NBN: variants seen among roughly 807,000 people sequenced by gnomAD.
NBN encodes Nijmegen breakage syndrome 1 (nibrin).
A neutral mutation model predicts 90.8 loss-of-function variants in NBN; 88 were observed. The ratio of observed to expected loss-of-function variants is 0.97; its 90% CI spans 0.82 to 1.16. The LOEUF is 1.16. NBN is among the 50% of genes most tolerant of loss of function. The pLI, the probability that NBN is intolerant of heterozygous loss-of-function variation, is 0.00. For missense variants in NBN, 894 were observed against 869.6 expected, an observed-to-expected ratio of 1.03 and a Z score of -0.35; for synonymous variants, 328 against 295.1, an observed-to-expected ratio of 1.11 and a Z score of -1.14.
chr8:89,976,500 A>G (rs921995444), intron 5 of NBN, among the ~76,000 whole-genome samples: 1 of 152,180 alleles, frequency 6.6e-6, no homozygotes, highest in African/African-American at 2.4e-5. Context: ...CATTCGTAGG[A>G]CTGCTCTCTC....
chr8:89,942,684 T>A (rs561031220), intron 14 of NBN, among the ~76,000 whole-genome samples: 31 of 152,176 alleles, frequency 2.0e-4, no homozygotes, highest in African/African-American at 7.5e-4. Context: ...AAGACAGTAG[T>A]AGTAAATCGG....
chr8:89,975,131 C>A lies in NBN; in HGVS notation c.584+3089G>T, dbSNP rs184109078. Reference sequence around the variant, plus strand: ...TTCATCTACTTTACTACTTTGATGACAGTCAAGGAAAATGAGATATTGCAA... The same window carrying A: ...TTCATCTACTTTACTACTTTGATGAAAGTCAAGGAAAATGAGATATTGCAA... On this transcript the variant is annotated intron_variant, in intron 5 of 15. Transcript: ENST00000265433. Among the ~76,000 whole-genome samples, 43 of 152,290 alleles carry A rather than the reference C, an allele frequency of 2.8e-4. No individual in the cohort carries two copies. The highest frequency in any genetic ancestry group is 5.6e-4 in the Non-Finnish European group (38 of 68,026).
At chr8:89,976,371 C>A (rs1382833872) in intron 5 of NBN, among the ~76,000 whole-genome samples, 1 of 152,204 alleles carries the variant, frequency 6.6e-6, no homozygotes, top group East Asian at 1.9e-4. Flanking sequence ...AGTTTCGGAA[C>A]AGGATTTGGC....
At chr8:89,975,756 G>A (rs1054271666) in intron 5 of NBN, among the ~76,000 whole-genome samples, 3 of 152,094 alleles carry the variant, frequency 2.0e-5, no homozygotes, top group African/African-American at 7.2e-5. Flanking sequence ...AGGAATCAAC[G>A]ACTAATTCTA....
In NBN at chr8:89,964,482, C is replaced by T; in HGVS notation, c.922G>A (p.Ala308Thr). 1.2e-6 allele frequency: 2 copies of T among 1,606,424 alleles called. No individual in the cohort carries two copies. Among genetic ancestry groups the T allele is most frequent in the Non-Finnish European group, 1.7e-6 (2 of 1,173,158 alleles). ...AAAATCACCGCCAATCCAATTTCTG[C>T]TTCAGGAATAGGTCTAAGACCTTGC... ...QRQGLRPIPE[A>T]EIGLAVIFMT... is the part of the protein sequence containing the mutation. Residue 308 changes from alanine to threonine, a missense_variant, in exon 8 of 16, where the codon GCA (alanine) becomes ACA (threonine). Coordinates refer to ENST00000265433, the MANE Select transcript of NBN (RefSeq NM_002485.5).
intron 7 of NBN, among the ~76,000 whole-genome samples, chr8:89,966,109 C>T (rs944176276): frequency 6.6e-6 from 1 of 152,086 alleles, no homozygotes; most frequent in Non-Finnish European, 1.5e-5. Flanking sequence ...TTACATCACC[C>T]TTAATGGAGA....
intron 1 of NBN, among the ~76,000 whole-genome samples, 192 bp from the exon 2 acceptor site, chr8:89,983,047 C>CTA: frequency 6.6e-6 from 1 of 151,912 alleles, no homozygotes; most frequent in East Asian, 1.9e-4. Flanking sequence ...TGAAGGCTAT[C>CTA]AAAGGTTATC....
chr8:89,957,544 T>C (rs1410426436), intron 9 of NBN, among the ~76,000 whole-genome samples: 1 of 152,198 alleles, frequency 6.6e-6, no homozygotes, highest in African/African-American at 2.4e-5. Flanking sequence ...AACAATCATG[T>C]ACAGTAATGT....
At chr8:89,971,054 C>T in intron 6 of NBN, 119 bp downstream of exon 6, 2 of 1,129,766 alleles carry the variant, frequency 1.8e-6, no homozygotes, top group East Asian at 2.6e-5. Context: ...TTTTATTCTA[C>T]TTCACACTTT....
chr8:89,980,906 A>G lies in NBN; in HGVS notation c.321-13T>C, dbSNP rs1563579693. 2 of 1,610,030 alleles carry G rather than the reference A, an allele frequency of 1.2e-6. No homozygotes were observed. Among genetic ancestry groups the G allele is most frequent in the Admixed American group, 1.7e-5 (1 of 59,996 alleles). On this transcript the variant is annotated splice_polypyrimidine_tract_variant and intron_variant, in intron 3 of 15. Transcript: ENST00000265433. ...CTCATACTCTATTCTGTAAATGAGAATAAGTTAAATAAAGTCATAGTATCA... is the reference window on the plus strand; with the variant it reads ...CTCATACTCTATTCTGTAAATGAGAGTAAGTTAAATAAAGTCATAGTATCA...
intron 14 of NBN, among the ~76,000 whole-genome samples, chr8:89,941,143 C>A (rs1461368751): frequency 6.6e-6 from 1 of 151,918 alleles, no homozygotes; most frequent in Non-Finnish European, 1.5e-5. Context: ...GAGAGCCCAG[C>A]AAATATAAAA....
rs192240705 is a variant in NBN, at chr8:89,978,188, A to G, written c.584+32T>C. ...AAAAATCAATGCTATCATATAAGTG[A>G]CATCTTGTTATATTTAAAATACATA... On this transcript the variant is annotated intron_variant, in intron 5 of 15. Coordinates refer to ENST00000265433, the MANE Select transcript of NBN (RefSeq NM_002485.5). 68 of 1,548,434 alleles carry G rather than the reference A, an allele frequency of 4.4e-5. No homozygotes were observed. In the African/African-American group the frequency reaches 8.7e-4, roughly 20 times the overall value.
chr8:89,936,166 T>TC, intron 15 of NBN: 1 of 322,594 alleles, frequency 3.1e-6, no homozygotes, highest in Non-Finnish European at 5.9e-6. Context: ...AGCCTCCGCC[T>TC]CCTGGGTTCA....
At position 89,982,833 on chromosome 8, in the gene NBN, A is replaced by C; in HGVS notation, c.60T>G (p.Thr20=). The C allele has an allele frequency of 6.2e-7, 1 of 1,613,666 alleles. No homozygotes were observed. Among genetic ancestry groups the C allele is most frequent in the Non-Finnish European group, 8.5e-7 (1 of 1,179,630 alleles). Residue 20 remains threonine (T), a synonymous_variant, in exon 2 of 16, where the codon ACT becomes ACG. Transcript: ENST00000265433. Reference sequence around the variant, plus strand: ...TCCTTCCAACAACGTACTCAACGCCAGTCAAAAGTCTGTATGGTTCTCCTG... The same window carrying C: ...TCCTTCCAACAACGTACTCAACGCCCGTCAAAAGTCTGTATGGTTCTCCTG... ...PAGGEPYRLL[T]GVEYVVGRKN...
chr8:89,967,781 C>T (rs1811321843), intron 7 of NBN, among the ~76,000 whole-genome samples: 1 of 152,194 alleles, frequency 6.6e-6, no homozygotes, highest in Non-Finnish European at 1.5e-5. Context: ...TCACTTCTGA[C>T]ATCTAATCAA....
chr8:89,952,515 C>A (rs908781409), intron 11 of NBN, among the ~76,000 whole-genome samples: 1 of 152,182 alleles, frequency 6.6e-6, no homozygotes, highest in Non-Finnish European at 1.5e-5. Context: ...CCTTGATACA[C>A]ACTAGGTTCT....
chr8:89,958,726 A>G lies in NBN; in HGVS notation c.1123T>C (p.Trp375Arg), dbSNP rs769361806. The G allele has an allele frequency of 6.2e-7, 1 of 1,613,904 alleles. No individual in the cohort carries two copies. The highest frequency in any genetic ancestry group is 8.5e-7 in the Non-Finnish European group (1 of 1,179,804). ...AGTACGGTAATGAAGAAGCTTTACC[A>G]TGTATCTGCTTGCTCTGATTCTGTG... ...ADTESEQADT[W>R]DLSERPKEIK... is the part of the protein sequence containing the mutation. Residue 375 changes from tryptophan (W) to arginine (R), a missense_variant and splice_region_variant, in exon 9 of 16, where the codon TGG becomes CGG. Physicochemically the swap from Trp to Arg is moderately radical, Grantham distance 101. Transcript: ENST00000265433.
At chr8:89,974,654 C>G (rs1348237375) in intron 5 of NBN, among the ~76,000 whole-genome samples, 1 of 152,160 alleles carries the variant, frequency 6.6e-6, no homozygotes, top group Admixed American at 6.5e-5. Context: ...AAGGTACATA[C>G]AGTGGTGTGT....
At chr8:89,970,665 A>C in intron 6 of NBN, 108 bp from the exon 7 acceptor site, 1 of 1,092,564 alleles carries the variant, frequency 9.2e-7, no homozygotes, top group Non-Finnish European at 1.4e-6. Context: ...ACTTGGTGCT[A>C]CTTCTTGAGT....
Sources: gnomAD v4.1 joint callset for allele counts (sites outside exome capture counted in the v4.1 genomes callset) on GRCh38, gnomAD v4.1.1 for gene constraint, MANE v1.5 for transcripts, NCBI Gene and HGNC (gene_info 2026-07-23, HGNC 2026-07-21) for gene names.